DZIP1: variants seen among roughly 807,000 people sequenced by gnomAD.
DZIP1 encodes the protein DAZ interacting zinc finger protein 1.
DZIP1 carries 97 observed loss-of-function variants against 107.6 expected under a neutral mutation model. That is an observed-to-expected ratio of 0.90 (90% CI 0.77 to 1.07). DZIP1 has a LOEUF of 1.07. Among genes scored for constraint, DZIP1 ranks in the 50% least tolerant of loss-of-function variants. The pLI, the probability that DZIP1 is intolerant of heterozygous loss-of-function variation, is 0.00. For missense variants in DZIP1, 1,035 were observed against 1,063.6 expected (o/e 0.97, Z 0.37); for synonymous variants, 390 against 386.4 (o/e 1.01, Z -0.11).
At chr13:95,628,466 G>C (rs758444986) in intron 7 of DZIP1, among the ~76,000 whole-genome samples, 6 of 152,108 alleles carry the variant, frequency 3.9e-5, no homozygotes, top group Non-Finnish European at 7.4e-5. Flanking sequence ...TATTTTTCTG[G>C]GGTGTTGAAA....
chr13:95,640,701 A>G (rs1474023316), intron 5 of DZIP1, among the ~76,000 whole-genome samples: 1 of 152,252 alleles, frequency 6.6e-6, no homozygotes, highest in African/African-American at 2.4e-5. Flanking sequence ...ACTGTTATGT[A>G]AGTGAATGTT....
chr13:95,629,288 A>C (rs1876915157), intron 7 of DZIP1, among the ~76,000 whole-genome samples: 1 of 152,260 alleles, frequency 6.6e-6, no homozygotes. Context: ...GTGTACCCAC[A>C]GTGACCCACA....
chr13:95,641,863 G>T lies in DZIP1; in HGVS notation c.37-8C>A, dbSNP rs1878566269. ...GACATGCTTCTGGAAGGGCTGCGGGGGGCACAAAGAGAGCGCGGCGGGAGG... is the reference window on the plus strand; with the variant it reads ...GACATGCTTCTGGAAGGGCTGCGGGTGGCACAAAGAGAGCGCGGCGGGAGG... On this transcript the variant is annotated splice_polypyrimidine_tract_variant and splice_region_variant and intron_variant, in intron 4 of 22. Transcript: ENST00000376829. The surrounding 1 kb of genome is among the most constrained non-coding windows in gnomAD (Gnocchi z 4.3). The T allele has an allele frequency of 9.0e-6, 13 of 1,445,624 alleles. No homozygotes were observed. Among genetic ancestry groups the T allele is most frequent in the Admixed American group, 3.1e-5 (1 of 32,458 alleles). The allele number at this position is 1,445,624 out of a possible 1,614,324, so 89.5% of individuals were successfully genotyped here.
rs149039359 is a variant in DZIP1 at position 95,595,011 on chromosome 13, TACTG to T, written c.1538-929_1538-926del. On this transcript the variant is annotated intron_variant, in intron 15 of 22. Coordinates refer to ENST00000376829, the MANE Select transcript of DZIP1 (RefSeq NM_198968.4). ...TGCGACGTTTGGCAGTTCAGACCCT[TACTG>T]ACTGTCAAAAGCCTGATCTGGGAGA... Among the ~76,000 whole-genome samples the T allele has an allele frequency of 5.6e-4, 85 of 152,322 alleles. 3 individuals are homozygous for T. In the East Asian group the frequency reaches 0.016, roughly 29 times the overall value.
chr13:95,607,313 C>T (rs181313246), intron 13 of DZIP1, among the ~76,000 whole-genome samples: 45 of 152,290 alleles, frequency 3.0e-4, no homozygotes, highest in Non-Finnish European at 5.7e-4. Context: ...TCCCAAAGTG[C>T]TAGGATTACA....
chr13:95,616,413 G>A (rs1875074953), intron 10 of DZIP1, among the ~76,000 whole-genome samples: 1 of 152,166 alleles, frequency 6.6e-6, no homozygotes, highest in African/African-American at 2.4e-5. Flanking sequence ...CATTCATTCT[G>A]CAAGTGTGTA....
intron 10 of DZIP1, among the ~76,000 whole-genome samples, chr13:95,612,383 C>T (rs1045816185): frequency 3.3e-5 from 5 of 152,166 alleles, no homozygotes; most frequent in Non-Finnish European, 7.3e-5. Context: ...GAGCTCACGT[C>T]CCCAAATAGA....
chr13:95,638,239 G>A (rs139757920), intron 5 of DZIP1, among the ~76,000 whole-genome samples: 2,850 of 151,904 alleles, frequency 0.019, 86 homozygotes, highest in African/African-American at 0.065. Flanking sequence ...ACAGGTATGC[G>A]CCACCACACC....
chr13:95,587,751 T>C (rs774280342), intron 19 of DZIP1, 22 bp from the exon 20 acceptor site: 20 of 1,604,540 alleles, frequency 1.2e-5, no homozygotes, highest in Non-Finnish European at 1.6e-5. Context: ...AACACCGAGA[T>C]AGGGGCGCTG....
rs2044279767 is a variant in DZIP1 at position 95,590,352 on chromosome 13, G to A, written c.1770C>T (p.Asn590=). The A allele has an allele frequency of 6.2e-7, 1 of 1,613,920 alleles. No individual in the cohort carries two copies. Among genetic ancestry groups the A allele is most frequent in the Non-Finnish European group, 8.5e-7 (1 of 1,179,926 alleles). Residue 590 remains asparagine, a synonymous_variant, in exon 17 of 23, where the codon AAC becomes AAT. Transcript: ENST00000376829. The stretch of plus-strand genomic sequence containing the variant: ...CAAGGAATTCTCGAATTTGATGAAA[G>A]TTAGGTATTTCTCTTTCTTGCTTAT... ...ERHKQEREIP[N]FHQIREFLEH...
In DZIP1 at chr13:95,594,012, T is replaced by G; in HGVS notation, c.1612A>C (p.Thr538Pro). The part of the protein sequence containing the change: ...RKALKSNSSL[T>P]KGLRTMVEQN... ...TCCACCATTGTTCTTAGTCCCTTAGTGAGGGAGGAGTTACTCTTCAAAGCT... is the reference window on the plus strand; with the variant it reads ...TCCACCATTGTTCTTAGTCCCTTAGGGAGGGAGGAGTTACTCTTCAAAGCT... The change falls in exon 16 of 23, where the codon ACT (threonine) becomes CCT (proline). Residue 538 changes from threonine (T) to proline (P), a missense_variant. Thr to Pro is a conservative substitution (Grantham distance 38, BLOSUM62 -1). Coordinates refer to ENST00000376829, the MANE Select transcript of DZIP1 (RefSeq NM_198968.4). 1 of 1,612,542 alleles carries G rather than the reference T, an allele frequency of 6.2e-7. No individual in the cohort carries two copies. Among genetic ancestry groups the G allele is most frequent in the Non-Finnish European group, 8.5e-7 (1 of 1,179,388 alleles).
intron 5 of DZIP1, among the ~76,000 whole-genome samples, chr13:95,639,546 G>A (rs934939264): frequency 3.6e-5 from 5 of 140,632 alleles, no homozygotes; most frequent in Admixed American, 1.5e-4. Context: ...AGCCAAGACC[G>A]CACCCCTGCA....
chr13:95,596,233 C>T (rs1263407230), intron 15 of DZIP1, among the ~76,000 whole-genome samples: 1 of 152,048 alleles, frequency 6.6e-6, no homozygotes, highest in Non-Finnish European at 1.5e-5. Flanking sequence ...GCACATATTG[C>T]TCACCAAGAC....
chr13:95,625,014 T>C, intron 7 of DZIP1, 85 bp from the exon 8 acceptor site: 1 of 1,215,094 alleles, frequency 8.2e-7, no homozygotes, highest in East Asian at 2.4e-5. Flanking sequence ...TAGCATCACT[T>C]CAAAAATGTT....
At chr13:95,592,141 C>G (rs940110774) in intron 16 of DZIP1, among the ~76,000 whole-genome samples, 4 of 152,120 alleles carry the variant, frequency 2.6e-5, no homozygotes, top group Non-Finnish European at 5.9e-5. Context: ...CCTGATCCAA[C>G]TGGAAATTAA....
chr13:95,590,311 C>T lies in DZIP1; in HGVS notation c.1811G>A (p.Cys604Tyr). ...GAGTAGTGCTTTCTCCTCAATTTTA[C>T]AGCTGACTTGATGTTCAAGGAATTC... ...IREFLEHQVS[C>Y]KIEEKALLSS... Residue 604 changes from cysteine to tyrosine, a missense_variant, in exon 17 of 23, where the codon TGT becomes TAT. Coordinates refer to ENST00000376829, the MANE Select transcript of DZIP1 (RefSeq NM_198968.4). 1 of 1,613,588 alleles carries T rather than the reference C, an allele frequency of 6.2e-7. No individual in the cohort carries two copies.
At chr13:95,609,404 G>GT in intron 13 of DZIP1, 53 bp downstream of exon 13, 1 of 1,250,556 alleles carries the variant, frequency 8.0e-7, no homozygotes, top group South Asian at 1.9e-5. Flanking sequence ...TTATGTTTTG[G>GT]TTTAGCATTT....
intron 15 of DZIP1, among the ~76,000 whole-genome samples, chr13:95,597,240 A>G (rs1235179785): frequency 6.6e-6 from 1 of 152,186 alleles, no homozygotes; most frequent in Non-Finnish European, 1.5e-5. Context: ...CATGATTCCT[A>G]TAGGAACCCT....
chr13:95,618,156 T>C (rs981185389), intron 10 of DZIP1, among the ~76,000 whole-genome samples: 7 of 152,174 alleles, frequency 4.6e-5, no homozygotes, highest in African/African-American at 1.7e-4. Flanking sequence ...CTCTGTTCAG[T>C]CCCTAGGGCA....
Sources: allele counts gnomAD v4.1 joint callset (sites outside exome capture counted in the v4.1 genomes callset), GRCh38; gene constraint gnomAD v4.1.1; non-coding constraint Gnocchi (gnomAD v3.1); transcripts MANE v1.5; gene names NCBI Gene and HGNC (gene_info 2026-07-23, HGNC 2026-07-21).